The following DOP1A variants were observed in gnomAD, a reference collection of about 807,000 sequenced individuals.
DOP1A encodes the protein protein DOP1A.
Under a neutral mutation model 267.6 loss-of-function variants are expected in DOP1A, and 90 were observed. The observed-to-expected ratio is 0.34, with a 90% confidence interval of 0.28 to 0.40. The LOEUF is 0.40. Ranked by LOEUF, DOP1A falls within the 10% of genes least tolerant of loss-of-function variation. DOP1A has a pLI of 1.00. For synonymous variants in DOP1A, 932 were observed against 999.1 expected, an observed-to-expected ratio of 0.93 and a Z score of 1.27; for missense variants, 2,437 against 2,900.4, an observed-to-expected ratio of 0.84 and a Z score of 3.67.
In DOP1A at chr6:83,151,875, T is replaced by G; in HGVS notation, c.5905-8T>G. ...ACCATACATAGTTGTTCTTCCTTATTTTTTTAGGATGTAACTCACAAAATA... is the reference window on the plus strand; with the variant it reads ...ACCATACATAGTTGTTCTTCCTTATGTTTTTAGGATGTAACTCACAAAATA... On this transcript the variant is annotated splice_region_variant and splice_polypyrimidine_tract_variant and intron_variant, in intron 28 of 38. Coordinates refer to ENST00000349129, the MANE Select transcript of DOP1A (RefSeq NM_015018.4). The G allele has an allele frequency of 1.9e-6, 3 of 1,613,078 alleles. No homozygotes were observed. The highest frequency in any genetic ancestry group is 2.5e-6 in the Non-Finnish European group (3 of 1,179,402).
At chr6:83,159,442 G>GTT (rs566662199) in intron 36 of DOP1A, among the ~76,000 whole-genome samples, 14 of 141,160 alleles carry the variant, frequency 9.9e-5, no homozygotes, top group Admixed American at 7.1e-5. Context: ...CCTGGCTAGT[G>GTT]TTTTTTTTTT....
intron 1 of DOP1A, among the ~76,000 whole-genome samples, chr6:83,081,225 A>C (rs1198211622): frequency 6.6e-6 from 1 of 152,084 alleles, no homozygotes; most frequent in Non-Finnish European, 1.5e-5. Flanking sequence ...GGTTCAAGCG[A>C]TCCTCCTGAG....
intron 1 of DOP1A, among the ~76,000 whole-genome samples, chr6:83,089,601 A>G (rs140761065): frequency 7.2e-5 from 11 of 152,348 alleles, no homozygotes; most frequent in Non-Finnish European, 1.6e-4. Flanking sequence ...AACAGCCCCT[A>G]GAAGAAAGAT....
At chr6:83,093,597 C>T (rs1357818586) in intron 1 of DOP1A, among the ~76,000 whole-genome samples, 1 of 152,120 alleles carries the variant, frequency 6.6e-6, no homozygotes, top group Non-Finnish European at 1.5e-5. Context: ...TTTGAGTATG[C>T]AGTTCACCTA....
intron 1 of DOP1A, among the ~76,000 whole-genome samples, chr6:83,068,898 T>G (rs1785149699): frequency 6.6e-6 from 1 of 152,244 alleles, no homozygotes; most frequent in Admixed American, 6.5e-5. Context: ...TCTCTGTAAT[T>G]GTTAAGCAGT....
At chr6:83,079,460 GA>G (rs1210228063) in intron 1 of DOP1A, among the ~76,000 whole-genome samples, 1 of 152,002 alleles carries the variant, frequency 6.6e-6, no homozygotes, top group Non-Finnish European at 1.5e-5. Flanking sequence ...AGTTAAATTG[GA>G]ACACACTAGG....
In DOP1A at chr6:83,087,724, C is replaced by T. The variant is rs186839192; in HGVS notation, c.-146-9007C>T. 6.6e-5 allele frequency among the ~76,000 whole-genome samples: 10 copies of T among 152,324 alleles called. No homozygotes were observed. The East Asian group carries it at 1.9e-3, about 29-fold the overall frequency. ...AACTGGGATTAAATTAATTAAAATA[C>T]ACGAAGCACTTGAATAGTTCCTGGT... On this transcript the variant is annotated intron_variant, in intron 1 of 38. Coordinates refer to ENST00000349129, the MANE Select transcript of DOP1A (RefSeq NM_015018.4).
intron 4 of DOP1A, among the ~76,000 whole-genome samples, chr6:83,102,300 G>A (rs1772732562): frequency 6.6e-6 from 1 of 152,184 alleles, no homozygotes; most frequent in Non-Finnish European, 1.5e-5. Context: ...GGTGTACACA[G>A]TCTGTTGTTC....
chr6:83,071,504 G>A (rs150923792), intron 1 of DOP1A, among the ~76,000 whole-genome samples: 5 of 152,106 alleles, frequency 3.3e-5, no homozygotes, highest in East Asian at 3.9e-4. Context: ...CACTGTGTCC[G>A]GCCCCTCCTC....
intron 38 of DOP1A, chr6:83,166,850 C>T: frequency 1.0e-6 from 1 of 1,000,014 alleles, no homozygotes; most frequent in Non-Finnish European, 1.2e-6. Flanking sequence ...TCTTAGAAGG[C>T]AAACTCCATT....
intron 7 of DOP1A, among the ~76,000 whole-genome samples, 193 bp downstream of exon 7, chr6:83,113,614 G>T (rs995161040): frequency 2.0e-5 from 3 of 152,140 alleles, no homozygotes; most frequent in Non-Finnish European, 4.4e-5. Flanking sequence ...TCACTGATTT[G>T]ATAAGAATAT....
intron 7 of DOP1A, 79 bp from the exon 8 acceptor site, chr6:83,118,809 T>G: frequency 8.1e-7 from 1 of 1,234,742 alleles, no homozygotes; most frequent in Non-Finnish European, 1.2e-6. Context: ...CTAAGCATAT[T>G]TCAGGGCATT....
intron 1 of DOP1A, chr6:83,073,045 T>G: frequency 3.3e-6 from 1 of 299,222 alleles, no homozygotes; most frequent in Admixed American, 4.3e-5. Flanking sequence ...TTCCATATTA[T>G]ATACAGCATT....
At chr6:83,105,833 A>T (rs1283122495) in intron 4 of DOP1A, among the ~76,000 whole-genome samples, 1 of 152,232 alleles carries the variant, frequency 6.6e-6, no homozygotes, top group Non-Finnish European at 1.5e-5. Context: ...GATTTACATA[A>T]TTCATGCCTG....
At chr6:83,128,783 A>G (rs1444924896) in intron 15 of DOP1A, 104 bp from the exon 16 acceptor site, 19 of 1,344,518 alleles carry the variant, frequency 1.4e-5, no homozygotes, top group Non-Finnish European at 1.7e-5. Context: ...GAATGGGCAG[A>G]TTAAGTTGTG....
rs574006393 is a variant in DOP1A at position 83,086,579 on chromosome 6, A to G, written c.-146-10152A>G. ...AGAAAAGAGAAGCCAACATAAACTG[A>G]AAAAAAGAGGCTAAGAGATAACAAA... On this transcript the variant is annotated intron_variant, in intron 1 of 38. Coordinates refer to ENST00000349129, the MANE Select transcript of DOP1A (RefSeq NM_015018.4). Among the ~76,000 whole-genome samples, 197 of 152,272 alleles carry G rather than the reference A, an allele frequency of 1.3e-3. 2 individuals are homozygous for G. Among genetic ancestry groups the G allele is most frequent in the African/African-American group, 4.6e-3 (190 of 41,546 alleles).
At chr6:83,090,948 T>G (rs1315829151) in intron 1 of DOP1A, among the ~76,000 whole-genome samples, 1 of 152,152 alleles carries the variant, frequency 6.6e-6, no homozygotes, top group Non-Finnish European at 1.5e-5. Flanking sequence ...TTAGTTTTCA[T>G]GCTGCTGATA....
intron 37 of DOP1A, among the ~76,000 whole-genome samples, 198 bp downstream of exon 37, chr6:83,160,158 CAGAT>C (rs1783898612): frequency 6.6e-6 from 1 of 152,188 alleles, no homozygotes; most frequent in African/African-American, 2.4e-5. Flanking sequence ...ATTCAGTCAA[CAGAT>C]TGAGTACCTC....
Position 83,138,441 on chromosome 6 carries a change from C to T in DOP1A, c.4399C>T (p.His1467Tyr). The T allele has an allele frequency of 6.2e-7, 1 of 1,612,396 alleles. No homozygotes were observed. The highest frequency in any genetic ancestry group is 8.5e-7 in the Non-Finnish European group (1 of 1,179,850). ...TCTCTGCTTATATTACATGCGTAGC[C>T]ATTACCCAACTCATGTCAAGGTTAC... ...ISLCLYYMRS[H>Y]YPTHVKVTAQ... is the part of the protein sequence containing the mutation. Residue 1467 changes from histidine to tyrosine, a missense_variant, in exon 21 of 39, where the codon CAT (histidine) becomes TAT (tyrosine). Physicochemically the swap from His to Tyr is moderately conservative, Grantham distance 83. This residue lies in a region of DOP1A where 878 missense variants were observed against 992.9 expected (regional missense o/e 0.88). Coordinates refer to ENST00000349129, the MANE Select transcript of DOP1A (RefSeq NM_015018.4).
Sources: gnomAD v4.1 joint callset for allele counts (sites outside exome capture counted in the v4.1 genomes callset) on GRCh38, gnomAD v4.1.1 for gene constraint, gnomAD v4.1.1 regional missense constraint, MANE v1.5 for transcripts, NCBI Gene and HGNC (gene_info 2026-07-23, HGNC 2026-07-21) for gene names.